The following SLC6A13 variants were observed in gnomAD, a reference collection of about 807,000 sequenced individuals.
SLC6A13 encodes the protein solute carrier family 6 member 13, also known as sodium- and chloride-dependent GABA transporter 2.
In SLC6A13, 69 loss-of-function variants were observed where a neutral mutation model predicts 72.9. The observed-to-expected ratio is 0.95, with a 90% CI of 0.78 to 1.16. The LOEUF is 1.16. Ranked by LOEUF, SLC6A13 falls within the 50% of genes most tolerant of loss-of-function variation. The pLI is 0.00. For synonymous variants in SLC6A13, 303 were observed against 303.0 expected, an observed-to-expected ratio of 1.00 and a Z score of 0.00; for missense variants, 735 against 760.5, an observed-to-expected ratio of 0.97 and a Z score of 0.39.
chr12:252,237 T>C (rs1448204184), intron 2 of SLC6A13, among the ~76,000 whole-genome samples: 2 of 152,200 alleles, frequency 1.3e-5, no homozygotes, highest in African/African-American at 4.8e-5. Context: ...TTCATAATTA[T>C]CAACACACTG....
Position 226,433 on chromosome 12 carries a change from C to T in SLC6A13, c.1017G>A (p.Met339Ile), listed in dbSNP as rs1941457593. Residue 339 changes from methionine to isoleucine, a missense_variant, in exon 9 of 15, where the codon ATG becomes ATA. By Grantham distance (10) the Met-to-Ile change is conservative (BLOSUM62 1). Coordinates refer to ENST00000343164, the MANE Select transcript of SLC6A13 (RefSeq NM_016615.5). ...GFAIFSILGFMSQEQGVPISE... is the reference protein window; with the variant it reads ...GFAIFSILGFISQEQGVPISE... The stretch of plus-strand genomic sequence containing the variant: ...AAATGGGCACCCCCTGCTCCTGAGA[C>T]ATGAAGCCCAGGATGGAGAAGATGG... The T allele has an allele frequency of 6.2e-7, 1 of 1,614,012 alleles. No individual in the cohort carries two copies. The highest frequency in any genetic ancestry group is 1.7e-5 in the Admixed American group (1 of 60,008).
chr12:239,779 C>T lies in SLC6A13; in HGVS notation c.479-1769G>A, dbSNP rs1363662448. 2.0e-5 allele frequency among the ~76,000 whole-genome samples: 3 copies of T among 152,144 alleles called. 1 individual carries two copies. Among genetic ancestry groups the T allele is most frequent in the African/African-American group, 7.2e-5 (3 of 41,442 alleles). ...TATCTGCTGGGTGACTGAAGGCCAG[C>T]TAGGTGCTCTCTCCACTAAACCATT... On this transcript the variant is annotated intron_variant, in intron 4 of 14. Transcript: ENST00000343164.
chr12:235,568 C>T (rs569737714), intron 6 of SLC6A13, among the ~76,000 whole-genome samples: 1 of 152,230 alleles, frequency 6.6e-6, no homozygotes, highest in African/African-American at 2.4e-5. Flanking sequence ...CACCTCAAGA[C>T]CACCGTGATA....
intron 2 of SLC6A13, among the ~76,000 whole-genome samples, chr12:258,762 G>C (rs1051695407): frequency 5.9e-5 from 9 of 152,302 alleles, no homozygotes; most frequent in Middle Eastern, 3.4e-3. Flanking sequence ...GTTACCCCAG[G>C]GGGCTGAAAG....
intron 9 of SLC6A13, among the ~76,000 whole-genome samples, chr12:225,776 G>A (rs1326625489): frequency 2.6e-5 from 4 of 152,138 alleles, no homozygotes; most frequent in African/African-American, 9.7e-5. Flanking sequence ...GAATGCCAAG[G>A]TAAAAAAATC....
chr12:228,505 G>A (rs957575338), intron 7 of SLC6A13, among the ~76,000 whole-genome samples: 2 of 152,086 alleles, frequency 1.3e-5, no homozygotes, highest in African/African-American at 2.4e-5. Context: ...AATGGAAAGG[G>A]CGCCGGATGA....
chr12:251,070 T>G lies in SLC6A13; in HGVS notation c.203-7257A>C, dbSNP rs577803523. Among the ~76,000 whole-genome samples, 224 of 150,720 alleles carry G rather than the reference T, an allele frequency of 1.5e-3. 2 individuals are homozygous for G. Among genetic ancestry groups the G allele is most frequent in the Admixed American group, 4.6e-3 (70 of 15,062 alleles). ...ACTCGCGAGGCTGAGGCAGGAGAATTGCGTGAACCCGGGAGGCGGAGCTTG... is the reference window on the plus strand; with the variant it reads ...ACTCGCGAGGCTGAGGCAGGAGAATGGCGTGAACCCGGGAGGCGGAGCTTG... On this transcript the variant is annotated intron_variant, in intron 2 of 14. Transcript: ENST00000343164.
At chr12:221,116 G>C in intron 14 of SLC6A13, 46 bp from the exon 15 acceptor site, 9 of 1,542,402 alleles carry the variant, frequency 5.8e-6, no homozygotes, top group South Asian at 1.3e-5. Context: ...AGCGGGGGCA[G>C]GTCTGCCAGC....
At chr12:251,660 C>T (rs1307872364) in intron 2 of SLC6A13, among the ~76,000 whole-genome samples, 1 of 152,018 alleles carries the variant, frequency 6.6e-6, no homozygotes, top group East Asian at 1.9e-4. Flanking sequence ...CTGTTAGAAA[C>T]AGGAAAAACA....
Position 254,016 on chromosome 12 carries a change from A to G in SLC6A13, c.202+5835T>C, listed in dbSNP as rs903233603. Among the ~76,000 whole-genome samples the G allele has an allele frequency of 6.6e-6, 1 of 152,054 alleles. No homozygotes were observed. Among genetic ancestry groups the G allele is most frequent in the African/African-American group, 2.4e-5 (1 of 41,392 alleles). On this transcript the variant is annotated intron_variant, in intron 2 of 14. Coordinates refer to ENST00000343164, the MANE Select transcript of SLC6A13 (RefSeq NM_016615.5). The surrounding 1 kb of genome is among the most constrained non-coding windows in gnomAD (Gnocchi z 4.4). Reference sequence around the variant, plus strand: ...GGCTATGGACAGTCCTATGACCAGAACCCTCTCCCGCTACCTTCTTCCCAC... The same window carrying G: ...GGCTATGGACAGTCCTATGACCAGAGCCCTCTCCCGCTACCTTCTTCCCAC...
intron 2 of SLC6A13, chr12:257,439 T>C (rs1942781876): frequency 6.6e-6 from 1 of 152,308 alleles, no homozygotes; most frequent in African/African-American, 2.4e-5. Context: ...GCCCTGTGCT[T>C]GATAAGGGAA....
intron 7 of SLC6A13, among the ~76,000 whole-genome samples, chr12:232,902 C>T (rs1436201333): frequency 6.6e-6 from 1 of 152,246 alleles, no homozygotes; most frequent in Non-Finnish European, 1.5e-5. Flanking sequence ...GACAGTTTGG[C>T]TTCCGGATAG....
Position 242,766 on chromosome 12 carries a change from C to G in SLC6A13, c.338-12G>C, listed in dbSNP as rs769159934. 1 of 1,570,986 alleles carries G rather than the reference C, an allele frequency of 6.4e-7. No individual in the cohort carries two copies. ...GGCATAGCCAATGCCTGCGGGGAAACTGCAGAATTGGGCTAGGAACGGTGG... is the reference window on the plus strand; with the variant it reads ...GGCATAGCCAATGCCTGCGGGGAAAGTGCAGAATTGGGCTAGGAACGGTGG... On this transcript the variant is annotated splice_polypyrimidine_tract_variant and intron_variant, in intron 3 of 14. Coordinates refer to ENST00000343164, the MANE Select transcript of SLC6A13 (RefSeq NM_016615.5).
intron 7 of SLC6A13, among the ~76,000 whole-genome samples, chr12:229,865 G>C (rs1021465541): frequency 1.3e-5 from 2 of 152,126 alleles, no homozygotes; most frequent in African/African-American, 4.8e-5. Context: ...ATCGTGACTT[G>C]GCCATTTACC....
rs1317466785 is a variant in SLC6A13, at chr12:254,213, AC to A, written c.202+5637del. ...AGCCGCCTCGCCAGCTCAGGGCCCCACCCCCGAGGAGTCTGGCCACTGGCAC... is the reference window on the plus strand; with the variant it reads ...AGCCGCCTCGCCAGCTCAGGGCCCCACCCCGAGGAGTCTGGCCACTGGCAC... On this transcript the variant is annotated intron_variant, in intron 2 of 14. Coordinates refer to ENST00000343164, the MANE Select transcript of SLC6A13 (RefSeq NM_016615.5). The surrounding 1 kb of genome is among the most constrained non-coding windows in gnomAD (Gnocchi z 4.4). Among the ~76,000 whole-genome samples, 2 of 151,890 alleles carry A rather than the reference AC, an allele frequency of 1.3e-5. No homozygotes were observed. Among genetic ancestry groups the A allele is most frequent in the East Asian group, 3.9e-4 (2 of 5,180 alleles).
chr12:227,596 T>C lies in SLC6A13; in HGVS notation c.904A>G (p.Ser302Gly), dbSNP rs1299980806. The stretch of plus-strand genomic sequence containing the variant: ...CAGTTGTTGTGGTACTTGTTGTAGC[T>C]GCCCAGGGCTGTCAGGCACCCAAGA... ...ICLGCLTALG[S>G]YNKYHNNCYR... Residue 302 changes from serine (S) to glycine (G), a missense_variant, in exon 8 of 15, where the codon AGC (serine) becomes GGC (glycine). By Grantham distance (56) the Ser-to-Gly change is moderately conservative. Transcript: ENST00000343164. The C allele has an allele frequency of 6.2e-7, 1 of 1,613,884 alleles. No homozygotes were observed. The highest frequency in any genetic ancestry group is 8.5e-7 in the Non-Finnish European group (1 of 1,179,918).
rs186109830 is a variant in SLC6A13 at position 231,284 on chromosome 12, C to T, written c.832-3616G>A. ...AGCCTGGCAGAAAAAGGGGAGCAAACGAGAGGGGAGCACAGCGTTGTCTCT... is the reference window on the plus strand; with the variant it reads ...AGCCTGGCAGAAAAAGGGGAGCAAATGAGAGGGGAGCACAGCGTTGTCTCT... On this transcript the variant is annotated intron_variant, in intron 7 of 14. Coordinates refer to ENST00000343164, the MANE Select transcript of SLC6A13 (RefSeq NM_016615.5). Among the ~76,000 whole-genome samples the T allele has an allele frequency of 6.3e-3, 957 of 152,322 alleles. 10 individuals carry two copies. Among genetic ancestry groups the T allele is most frequent in the African/African-American group, 0.021 (892 of 41,562 alleles).
At chr12:250,190 A>G (rs1279099384) in intron 2 of SLC6A13, among the ~76,000 whole-genome samples, 1 of 152,198 alleles carries the variant, frequency 6.6e-6, no homozygotes, top group East Asian at 1.9e-4. Context: ...CTAACATCAT[A>G]CTTAATTGTA....
rs377278553 is a variant in SLC6A13 at position 227,630 on chromosome 12, G to A, written c.870C>T (p.Phe290=). 56 of 1,613,290 alleles carry A rather than the reference G, an allele frequency of 3.5e-5. No individual in the cohort carries two copies. The highest frequency in any genetic ancestry group is 1.6e-4 in the South Asian group (15 of 91,020). ...MDAGTQIFFS[F]AICLGCLTAL... Reference sequence around the variant, plus strand: ...CTGTCAGGCACCCAAGACAGATGGCGAAGGAGAAGAATATCTGGGTGCCTG... The same window carrying A: ...CTGTCAGGCACCCAAGACAGATGGCAAAGGAGAAGAATATCTGGGTGCCTG... The change falls in exon 8 of 15, where the codon TTC becomes TTT. Residue 290 remains phenylalanine, a synonymous_variant. Coordinates refer to ENST00000343164, the MANE Select transcript of SLC6A13 (RefSeq NM_016615.5).
Sources: gnomAD v4.1 joint callset for allele counts (sites outside exome capture counted in the v4.1 genomes callset) on GRCh38, gnomAD v4.1.1 for gene constraint, Gnocchi (gnomAD v3.1) non-coding constraint, MANE v1.5 for transcripts, NCBI Gene and HGNC (gene_info 2026-07-23, HGNC 2026-07-21) for gene names.